The following IVNS1ABP variants were observed in gnomAD, a reference collection of about 807,000 sequenced individuals.
The protein encoded by IVNS1ABP is influenza virus NS1A binding protein, also known as influenza virus NS1A-binding protein.
A neutral mutation model predicts 78.9 loss-of-function variants in IVNS1ABP; 25 were observed. The observed-to-expected ratio is 0.32, with a 90% CI of 0.23 to 0.44. The LOEUF is 0.44. IVNS1ABP is among the 20% of genes least tolerant of loss of function. The pLI is 1.00. For synonymous variants in IVNS1ABP, 241 were observed against 259.7 expected (o/e 0.93, Z 0.69); for missense variants, 494 against 768.9 (o/e 0.64, Z 4.23).
intron 7 of IVNS1ABP, 117 bp downstream of exon 7, chr1:185,306,897 T>A: frequency 8.7e-7 from 1 of 1,153,566 alleles, no homozygotes; most frequent in Non-Finnish European, 1.2e-6. Context: ...GGGGTACCTA[T>A]AGCAAAATTT....
In IVNS1ABP at chr1:185,301,059, C is replaced by T. The variant is rs1275214032; in HGVS notation, c.1033G>A (p.Glu345Lys). 2 of 1,613,380 alleles carry T rather than the reference C, an allele frequency of 1.2e-6. No homozygotes were observed. Among genetic ancestry groups the T allele is most frequent in the African/African-American group, 2.7e-5 (2 of 74,854 alleles). ...KSLSFEMQQD[E>K]LIEKPMSPMQ... Reference sequence around the variant, plus strand: ...GGAGACATGGGCTTTTCGATTAGCTCATCTTGTTGCATCTCAAAGCTTAAA... The same window carrying T: ...GGAGACATGGGCTTTTCGATTAGCTTATCTTGTTGCATCTCAAAGCTTAAA... Residue 345 changes from glutamate to lysine, a missense_variant, in exon 10 of 15, where the codon GAG becomes AAG. Coordinates refer to ENST00000367498, the MANE Select transcript of IVNS1ABP (RefSeq NM_006469.5).
intron 1 of IVNS1ABP, among the ~76,000 whole-genome samples, chr1:185,311,984 T>A (rs1165660170): frequency 6.6e-6 from 1 of 152,244 alleles, no homozygotes; most frequent in Admixed American, 6.5e-5. Flanking sequence ...GCTGTATTTA[T>A]ATATACTTGT....
At chr1:185,311,883 C>T (rs1665893065) in intron 1 of IVNS1ABP, among the ~76,000 whole-genome samples, 1 of 152,302 alleles carries the variant, frequency 6.6e-6, no homozygotes, top group South Asian at 2.1e-4. Context: ...AGTTGGGAAG[C>T]AGTTTCTCCT....
intron 2 of IVNS1ABP, among the ~76,000 whole-genome samples, chr1:185,310,523 T>A (rs1208518): frequency 6.6e-6 from 1 of 152,176 alleles, no homozygotes; most frequent in Admixed American, 6.5e-5. Context: ...GCAGGAGAAT[T>A]GCTTGGGAGG....
Position 185,298,523 on chromosome 1 carries a change from A to G in IVNS1ABP, c.1676-235T>C, listed in dbSNP as rs1455347391. 2.1e-5 allele frequency: 11 copies of G among 525,466 alleles called. No homozygotes were observed. The highest frequency in any genetic ancestry group is 3.3e-5 in the Non-Finnish European group (10 of 299,104). 32.6% of individuals were successfully genotyped at this position (525,466 alleles called of 1,614,324 possible). A position where few individuals can be genotyped will look rare whatever the true frequency, so the allele number is the denominator to read the frequency against. On this transcript the variant is annotated intron_variant, in intron 14 of 14. Transcript: ENST00000367498. This position sits in a 1 kb window ranked among gnomAD's most constrained non-coding sequence, Gnocchi z 4.1. The stretch of plus-strand genomic sequence containing the variant: ...CTTAGGCAACTTAAAAGGGGGAGGG[A>G]GAGGAAGCAGTAGCAGCATCTAAAT...
intron 14 of IVNS1ABP, chr1:185,299,223 A>C (rs1019649237): frequency 6.2e-6 from 1 of 161,390 alleles, no homozygotes; most frequent in Non-Finnish European, 1.4e-5. Flanking sequence ...TTAGACATTA[A>C]AAGTCAATAA....
Position 185,296,430 on chromosome 1 carries a change from TGAATA to T in IVNS1ABP, c.*1600_*1604del, listed in dbSNP as rs886978542. The T allele has an allele frequency of 1.3e-5, 2 of 152,104 alleles. No individual in the cohort carries two copies. The highest frequency in any genetic ancestry group is 2.9e-5 in the Non-Finnish European group (2 of 67,996). 9.4% of individuals were successfully genotyped at this position (152,104 alleles called of 1,614,324 possible). A position where few individuals can be genotyped will look rare whatever the true frequency, so the allele number is the denominator to read the frequency against. On this transcript the variant is annotated 3_prime_UTR_variant, in exon 15 of 15. Transcript: ENST00000367498. ...CAACTAAAATTTTATTTCCTTGTGCTGAATAGAACACATACAGATCCATATTAAAA... is the reference window on the plus strand; with the variant it reads ...CAACTAAAATTTTATTTCCTTGTGCTGAACACATACAGATCCATATTAAAA...
intron 7 of IVNS1ABP, 64 bp downstream of exon 7, chr1:185,306,950 A>C: frequency 1.5e-5 from 22 of 1,491,630 alleles, no homozygotes; most frequent in South Asian, 2.3e-5. Flanking sequence ...GTGAAAGGGA[A>C]TCCTTCATGT....
intron 1 of IVNS1ABP, among the ~76,000 whole-genome samples, chr1:185,311,802 C>T (rs565457787): frequency 2.0e-5 from 3 of 152,130 alleles, no homozygotes; most frequent in African/African-American, 7.2e-5. Context: ...CTTCTCTCTA[C>T]CTGGAAGGCC....
chr1:185,314,974 A>T (rs1665976938), intron 1 of IVNS1ABP, among the ~76,000 whole-genome samples: 1 of 152,266 alleles, frequency 6.6e-6, no homozygotes, highest in Non-Finnish European at 1.5e-5. Flanking sequence ...AAACATTTAC[A>T]AGATATACAA....
Position 185,309,418 on chromosome 1 carries a change from T to A in IVNS1ABP, c.76A>T (p.Arg26Trp), listed in dbSNP as rs148399700. The change falls in exon 3 of 15, where the codon AGG becomes TGG. Residue 26 changes from arginine to tryptophan, a missense_variant. Transcript: ENST00000367498. ...ESSVAKLNAL[R>W]KSGQFCDVRL... is the part of the protein sequence containing the mutation. The stretch of plus-strand genomic sequence containing the variant: ...ACATCACAGAACTGGCCACTTTTCC[T>A]CAGGGCATTTAATTTGGCAACAGAA... The A allele has an allele frequency of 1.2e-6, 2 of 1,612,744 alleles. No individual in the cohort carries two copies. The highest frequency in any genetic ancestry group is 1.7e-6 in the Non-Finnish European group (2 of 1,179,088).
In IVNS1ABP at chr1:185,317,068, G is replaced by C. The variant is rs577967999; in HGVS notation, c.-362C>G. 2.5e-6 allele frequency: 1 copy of C among 398,820 alleles called. No homozygotes were observed. The highest frequency in any genetic ancestry group is 2.1e-5 in the African/African-American group (1 of 48,732). The allele number at this position is 398,820 out of a possible 1,614,324, so 24.7% of individuals were successfully genotyped here. On this transcript the variant is annotated 5_prime_UTR_variant, in exon 1 of 15. Transcript: ENST00000367498. ...CGCCAGAAGGCGGCGGAAGACGGGA[G>C]CGGTCAAGTAGAAGGACGAGGGGCC...
intron 8 of IVNS1ABP, among the ~76,000 whole-genome samples, chr1:185,302,419 G>C (rs1369222996): frequency 6.6e-6 from 1 of 152,142 alleles, no homozygotes; most frequent in East Asian, 1.9e-4. Flanking sequence ...TACTCTGAGA[G>C]GAACTGCCAA....
At chr1:185,312,633 T>C (rs1446234944) in intron 1 of IVNS1ABP, among the ~76,000 whole-genome samples, 5 of 152,210 alleles carry the variant, frequency 3.3e-5, no homozygotes, top group African/African-American at 1.2e-4. Context: ...TTGTGAATGC[T>C]TACCCTTGCA....
intron 7 of IVNS1ABP, 140 bp downstream of exon 7, chr1:185,306,874 G>T: frequency 1.1e-6 from 1 of 912,744 alleles, no homozygotes; most frequent in Non-Finnish European, 1.6e-6. Context: ...CACCCCCCCT[G>T]TTTCTCAGCT....
Position 185,316,968 on chromosome 1 carries a change from A to C in IVNS1ABP, c.-262T>G, listed in dbSNP as rs187452234. 9 of 398,482 alleles carry C rather than the reference A, an allele frequency of 2.3e-5. No individual in the cohort carries two copies. The highest frequency in any genetic ancestry group is 1.8e-4 in the African/African-American group (9 of 48,690). The allele number at this position is 398,482 out of a possible 1,614,324, so 24.7% of individuals were successfully genotyped here. On this transcript the variant is annotated 5_prime_UTR_variant, in exon 1 of 15. Coordinates refer to ENST00000367498, the MANE Select transcript of IVNS1ABP (RefSeq NM_006469.5). ...CGCGTATTACCTGGTTCATCTCTGAAGAGATGGAAACATTCATTTCTAGAG... is the reference window on the plus strand; with the variant it reads ...CGCGTATTACCTGGTTCATCTCTGACGAGATGGAAACATTCATTTCTAGAG...
At chr1:185,302,689 C>T (rs748883710) in intron 8 of IVNS1ABP, among the ~76,000 whole-genome samples, 1 of 152,110 alleles carries the variant, frequency 6.6e-6, no homozygotes, top group Non-Finnish European at 1.5e-5. Context: ...GGGAATGTAT[C>T]ATTATCAATG....
At chr1:185,314,593 A>C (rs1245065051) in intron 1 of IVNS1ABP, among the ~76,000 whole-genome samples, 1 of 152,194 alleles carries the variant, frequency 6.6e-6, no homozygotes, top group African/African-American at 2.4e-5. Flanking sequence ...CATGGAAAGT[A>C]GGTGAAGGAT....
In IVNS1ABP at chr1:185,300,230, G is replaced by T. The variant is rs369250370; in HGVS notation, c.1356C>A (p.Asn452Lys). 6.2e-7 allele frequency: 1 copy of T among 1,612,978 alleles called. No individual in the cohort carries two copies. The highest frequency in any genetic ancestry group is 1.3e-5 in the African/African-American group (1 of 74,832). Residue 452 changes from asparagine to lysine, a missense_variant, in exon 12 of 15, where the codon AAC becomes AAA. Physicochemically the swap from Asn to Lys is moderately conservative, Grantham distance 94. Transcript: ENST00000367498. The part of the protein sequence containing the change: ...DWIPVPELRT[N>K]RCNAGVCALN... ...AACTATTATTACCTGCATTACAACG[G>T]TTAGTTCTCAATTCTGGAACAGGAA... is the stretch of plus-strand genomic sequence containing the variant.
Sources: gnomAD v4.1 joint callset for allele counts (sites outside exome capture counted in the v4.1 genomes callset) on GRCh38, gnomAD v4.1.1 for gene constraint, Gnocchi (gnomAD v3.1) non-coding constraint, MANE v1.5 for transcripts, NCBI Gene and HGNC (gene_info 2026-07-23, HGNC 2026-07-21) for gene names.